RRAS2: variants seen among roughly 807,000 people sequenced by gnomAD.
RRAS2 encodes RAS related 2.
In RRAS2, 7 loss-of-function variants were observed where a neutral mutation model predicts 27.6. That is an observed-to-expected ratio of 0.25 (90% confidence interval 0.14 to 0.48). The LOEUF is 0.48. Ranked by LOEUF, RRAS2 falls within the 20% of genes least tolerant of loss-of-function variation. The probability of loss-of-function intolerance (pLI) is 0.99; values close to 1 mark genes in which losing one functional copy is unlikely to be tolerated. For synonymous variants in RRAS2, 86 were observed against 90.9 expected, an observed-to-expected ratio of 0.95 and a Z score of 0.31; for missense variants, 178 against 256.2, an observed-to-expected ratio of 0.69 and a Z score of 2.08.
In RRAS2 at chr11:14,326,798, C is replaced by T. The variant is rs1441357757; in HGVS notation, c.109-30943G>A. 1.2e-4 allele frequency among the ~76,000 whole-genome samples: 2 copies of T among 16,170 alleles called. 1 individual carries two copies. The highest frequency in any genetic ancestry group is 5.6e-4 in the Non-Finnish European group (2 of 3,562). 10.6% of individuals were successfully genotyped at this position (16,170 alleles called of 152,430 possible). On this transcript the variant is annotated intron_variant, in intron 1 of 5. Transcript: ENST00000256196. ...GATTTTGGCCGGGCGCGGTGGCTCA[C>T]GCCTGTAATCCCAGCACTTTGGGAG...
intron 4 of RRAS2, among the ~76,000 whole-genome samples, chr11:14,287,527 T>G (rs145130001): frequency 6.6e-6 from 1 of 152,162 alleles, no homozygotes; most frequent in Non-Finnish European, 1.5e-5. Flanking sequence ...CCATCATGCA[T>G]AATGTAATTC....
chr11:14,330,380 C>A (rs1169507543), intron 1 of RRAS2, among the ~76,000 whole-genome samples: 3 of 152,136 alleles, frequency 2.0e-5, no homozygotes, highest in African/African-American at 7.2e-5. Flanking sequence ...GGCATGGTGG[C>A]ACACGCCTGT....
intron 1 of RRAS2, among the ~76,000 whole-genome samples, chr11:14,302,477 G>A (rs193285364): frequency 3.9e-5 from 6 of 152,290 alleles, no homozygotes; most frequent in Admixed American, 3.9e-4. Context: ...CTAGCTGTTT[G>A]AGTCCTTGGG....
At chr11:14,339,850 A>G (rs1848663829) in intron 1 of RRAS2, among the ~76,000 whole-genome samples, 1 of 151,938 alleles carries the variant, frequency 6.6e-6, no homozygotes, top group Non-Finnish European at 1.5e-5. Context: ...GCAGTGGCTC[A>G]TGCCTGTAAT....
At chr11:14,316,637 G>T (rs1271435881) in intron 1 of RRAS2, among the ~76,000 whole-genome samples, 3 of 152,172 alleles carry the variant, frequency 2.0e-5, no homozygotes, top group Non-Finnish European at 2.9e-5. Flanking sequence ...TAGCTAATTG[G>T]GAGGTTGAAG....
intron 4 of RRAS2, among the ~76,000 whole-genome samples, chr11:14,289,291 A>G (rs1849748659): frequency 6.6e-6 from 1 of 152,228 alleles, no homozygotes; most frequent in African/African-American, 2.4e-5. Context: ...AAGGAGGGGA[A>G]AAAGAGGGAA....
chr11:14,358,714 C>T lies in RRAS2; in HGVS notation c.108+49G>A, dbSNP rs782441022. On this transcript the variant is annotated intron_variant, in intron 1 of 5. Transcript: ENST00000256196. The surrounding 1 kb of genome is among the most constrained non-coding windows in gnomAD (Gnocchi z 5.1). Reference sequence around the variant, plus strand: ...GCCGCCCCGCCACAGGTAGCGCCAGCCCCCGCCCGCCGCCGCTCCGGCGCC... The same window carrying T: ...GCCGCCCCGCCACAGGTAGCGCCAGTCCCCGCCCGCCGCCGCTCCGGCGCC... The T allele has an allele frequency of 1.6e-5, 19 of 1,167,842 alleles. No individual in the cohort carries two copies. Among genetic ancestry groups the T allele is most frequent in the Non-Finnish European group, 1.8e-5 (17 of 943,008 alleles). The allele number at this position is 1,167,842 out of a possible 1,614,324, so 72.3% of individuals were successfully genotyped here.
chr11:14,334,522 A>C (rs1848550933), intron 1 of RRAS2, among the ~76,000 whole-genome samples: 1 of 151,138 alleles, frequency 6.6e-6, no homozygotes, highest in Admixed American at 6.6e-5. Flanking sequence ...TTTGAAAAGC[A>C]TCCATACATA....
chr11:14,312,221 GA>G (rs1847986849), intron 1 of RRAS2, among the ~76,000 whole-genome samples: 1 of 152,082 alleles, frequency 6.6e-6, no homozygotes, highest in African/African-American at 2.4e-5. Context: ...CTAGTTACAT[GA>G]ATTACAGCAT....
chr11:14,290,688 G>A (rs1245013972), intron 4 of RRAS2, among the ~76,000 whole-genome samples: 8 of 152,196 alleles, frequency 5.3e-5, no homozygotes, highest in African/African-American at 1.2e-4. Flanking sequence ...CTTCAAAAAG[G>A]AAGTGATCAA....
intron 1 of RRAS2, among the ~76,000 whole-genome samples, chr11:14,342,998 G>A (rs1848748717): frequency 6.6e-6 from 1 of 152,154 alleles, no homozygotes; most frequent in Non-Finnish European, 1.5e-5. Context: ...AATATTACAA[G>A]AGGTTCTGTT....
chr11:14,345,426 C>T (rs1564981308), intron 1 of RRAS2, among the ~76,000 whole-genome samples: 2 of 152,154 alleles, frequency 1.3e-5, no homozygotes, highest in African/African-American at 2.4e-5. Context: ...GACATAGATA[C>T]AGACAAAGCA....
chr11:14,339,737 A>G (rs782041339), intron 1 of RRAS2, among the ~76,000 whole-genome samples: 21 of 152,206 alleles, frequency 1.4e-4, no homozygotes, highest in Admixed American at 2.6e-4. Context: ...AAGTTAAATA[A>G]TTTTGCTTCT....
intron 1 of RRAS2, among the ~76,000 whole-genome samples, chr11:14,318,840 C>G (rs1248883921): frequency 5.9e-5 from 9 of 152,320 alleles, no homozygotes; most frequent in Admixed American, 2.6e-4. Flanking sequence ...AAGTATTAAA[C>G]TTCAAATTCC....
intron 1 of RRAS2, among the ~76,000 whole-genome samples, chr11:14,345,909 C>T (rs1213708774): frequency 2.6e-5 from 4 of 152,062 alleles, no homozygotes; most frequent in Non-Finnish European, 5.9e-5. Flanking sequence ...ACTTCCTAAA[C>T]CAAAAATAGC....
chr11:14,337,389 C>A (rs11023190), intron 1 of RRAS2, among the ~76,000 whole-genome samples: 21,140 of 152,054 alleles, frequency 0.14, 1,654 homozygotes, highest in East Asian at 0.18. Context: ...CATGCCTCAA[C>A]GATCCAGGAT....
Position 14,358,636 on chromosome 11 carries a change from C to T in RRAS2, c.108+127G>A, listed in dbSNP as rs1320105948. On this transcript the variant is annotated intron_variant, in intron 1 of 5. Coordinates refer to ENST00000256196, the MANE Select transcript of RRAS2 (RefSeq NM_012250.6). The surrounding 1 kb of genome is among the most constrained non-coding windows in gnomAD (Gnocchi z 5.1). ...GCGTAGTCGGCCCCGCGCCCTCCCGCCCCCTGGCCCCGGCCCGGGCCCGCG... is the reference window on the plus strand; with the variant it reads ...GCGTAGTCGGCCCCGCGCCCTCCCGTCCCCTGGCCCCGGCCCGGGCCCGCG... 1 of 973,608 alleles carries T rather than the reference C, an allele frequency of 1.0e-6. No individual in the cohort carries two copies. Among genetic ancestry groups the T allele is most frequent in the East Asian group, 1.1e-4 (1 of 8,878 alleles). The allele number at this position is 973,608 out of a possible 1,614,324, so 60.3% of individuals were successfully genotyped here.
At chr11:14,293,785 T>C (rs536442123) in intron 4 of RRAS2, among the ~76,000 whole-genome samples, 93 of 152,300 alleles carry the variant, frequency 6.1e-4, no homozygotes, top group African/African-American at 2.2e-3. Flanking sequence ...AATGGACTAA[T>C]ACAAATGAAC....
At chr11:14,324,348 T>C (rs1232355498) in intron 1 of RRAS2, among the ~76,000 whole-genome samples, 8 of 149,686 alleles carry the variant, frequency 5.3e-5, no homozygotes, top group African/African-American at 7.4e-5. Context: ...ACAGCAAATA[T>C]ATGATATGCA....
Sources: allele counts gnomAD v4.1 joint callset (sites outside exome capture counted in the v4.1 genomes callset), GRCh38; gene constraint gnomAD v4.1.1; non-coding constraint Gnocchi (gnomAD v3.1); transcripts MANE v1.5; gene names NCBI Gene and HGNC (gene_info 2026-07-23, HGNC 2026-07-21).